The following CETP variants were observed in gnomAD, a reference collection of about 807,000 sequenced individuals.
CETP encodes the protein BPI fold containing family F.
Under a neutral mutation model 66.5 loss-of-function variants are expected in CETP, and 56 were observed. That is an observed-to-expected ratio of 0.84 (90% confidence interval 0.68 to 1.05). The LOEUF is 1.05. CETP is among the 50% of genes least tolerant of loss of function. The pLI, the probability that CETP is intolerant of heterozygous loss-of-function variation, is 0.00. For synonymous variants in CETP, 251 were observed against 245.7 expected, an observed-to-expected ratio of 1.02 and a Z score of -0.20; for missense variants, 612 against 609.6, an observed-to-expected ratio of 1.00 and a Z score of -0.04.
Position 56,983,658 on chromosome 16 carries a change from T to C in CETP, c.1474T>C (p.Leu492=), listed in dbSNP as rs2056204723. ...CCTGCTGGTGGATTTCCTCCAGAGC[T>C]TGAGCTAGAAGTCTCCAAGGAGGTC... The part of the protein sequence containing the change: ...EHLLVDFLQS[L]S Residue 492 remains leucine, a synonymous_variant, in exon 16 of 16, where the codon TTG becomes CTG. Transcript: ENST00000200676. 2 of 1,614,134 alleles carry C rather than the reference T, an allele frequency of 1.2e-6. No individual in the cohort carries two copies. The highest frequency in any genetic ancestry group is 8.5e-7 in the Non-Finnish European group (1 of 1,179,980).
At position 56,969,659 on chromosome 16, in the gene CETP, C is replaced by T. The variant is rs1385630318; in HGVS notation, c.417C>T (p.Asp139=). 5 of 1,614,186 alleles carry T rather than the reference C, an allele frequency of 3.1e-6. No individual in the cohort carries two copies. The Admixed American group carries it at 8.3e-5, about 27-fold the overall frequency. The stretch of plus-strand genomic sequence containing the variant: ...ACTTCGAGATCGACTCTGCCATTGA[C>T]CTCCAGATCAACACACAGCTGAGTA... The part of the protein sequence containing the change: ...SIDFEIDSAI[D]LQINTQLTCD... Residue 139 remains aspartate, a synonymous_variant, in exon 4 of 16, where the codon GAC becomes GAT. Coordinates refer to ENST00000200676, the MANE Select transcript of CETP (RefSeq NM_000078.3).
At chr16:56,962,205 A>T in intron 1 of CETP, 108 bp downstream of exon 1, 1 of 924,784 alleles carries the variant, frequency 1.1e-6, no homozygotes. Flanking sequence ...CTGCCACACT[A>T]GCCCAGAGAG....
At chr16:56,981,601 AG>A in intron 12 of CETP, 45 bp from the exon 13 acceptor site, 1 of 1,603,848 alleles carries the variant, frequency 6.2e-7, no homozygotes, top group Non-Finnish European at 8.5e-7. Context: ...ATGTTACAGG[AG>A]GGGGCCCAAT....
At chr16:56,969,725 G>A (rs1339207727) in intron 4 of CETP, 44 bp downstream of exon 4, 1 of 1,607,646 alleles carries the variant, frequency 6.2e-7, no homozygotes. Flanking sequence ...CTGGACTCCA[G>A]GGCTTGGCCT....
intron 2 of CETP, among the ~76,000 whole-genome samples, chr16:56,965,925 C>T (rs558518321): frequency 1.6e-4 from 24 of 152,326 alleles, no homozygotes; most frequent in Admixed American, 3.9e-4. Flanking sequence ...GCCAACGCTT[C>T]TCCCATTGTG....
intron 5 of CETP, 113 bp from the exon 6 acceptor site, chr16:56,970,920 T>C: frequency 1.0e-6 from 1 of 963,520 alleles, no homozygotes; most frequent in Non-Finnish European, 1.7e-6. Context: ...TCTTACTTCC[T>C]GAGCTACAAG....
chr16:56,962,264 C>G (rs1159482871), intron 1 of CETP, 167 bp downstream of exon 1: 2 of 746,958 alleles, frequency 2.7e-6, no homozygotes, highest in African/African-American at 3.4e-5. Context: ...TCATCACCCC[C>G]TCCTGACCTC....
At chr16:56,969,885 C>A in intron 4 of CETP, 29 bp from the exon 5 acceptor site, 2 of 1,610,108 alleles carry the variant, frequency 1.2e-6, no homozygotes, top group South Asian at 2.2e-5. Context: ...GCGGAGGCTG[C>A]CCTGAGGTCA....
chr16:56,982,853 G>A (rs2056198838), intron 14 of CETP, among the ~76,000 whole-genome samples: 1 of 152,160 alleles, frequency 6.6e-6, no homozygotes. Context: ...CGTGGAAACT[G>A]GAATGATCCT....
At chr16:56,972,234 C>T (rs1466298992) in intron 8 of CETP, 151 bp downstream of exon 8, 8 of 664,338 alleles carry the variant, frequency 1.2e-5, no homozygotes, top group South Asian at 3.5e-5. Context: ...CCTCCGCATT[C>T]CTGATGCTGC....
In CETP at chr16:56,983,615, C is replaced by T; in HGVS notation, c.1431C>T (p.Asp477=). The change falls in exon 16 of 16, where the codon GAC becomes GAT. Residue 477 remains aspartate, a synonymous_variant. Transcript: ENST00000200676. ...TRDGFLLLQM[D]FGFPEHLLVD... is the part of the protein sequence containing the mutation. Reference sequence around the variant, plus strand: ...AGGGCTTCCTGCTGCTGCAGATGGACTTTGGCTTCCCTGAGCACCTGCTGG... The same window carrying T: ...AGGGCTTCCTGCTGCTGCAGATGGATTTTGGCTTCCCTGAGCACCTGCTGG... 6.2e-7 allele frequency: 1 copy of T among 1,614,168 alleles called. No individual in the cohort carries two copies. The highest frequency in any genetic ancestry group is 8.5e-7 in the Non-Finnish European group (1 of 1,180,032).
At chr16:56,978,377 GT>G in intron 11 of CETP, 122 bp downstream of exon 11, 6 of 1,167,466 alleles carry the variant, frequency 5.1e-6, no homozygotes, top group Admixed American at 1.8e-5. Flanking sequence ...GCTGGCACTG[GT>G]TGTCTCTTGC....
At chr16:56,968,084 T>A (rs2056081128) in intron 2 of CETP, among the ~76,000 whole-genome samples, 1 of 152,036 alleles carries the variant, frequency 6.6e-6, no homozygotes, top group Non-Finnish European at 1.5e-5. Flanking sequence ...TTTTTGTGAG[T>A]ACATAGTAGG....
intron 11 of CETP, among the ~76,000 whole-genome samples, chr16:56,979,470 G>A (rs1459392644): frequency 1.3e-5 from 2 of 152,026 alleles, no homozygotes; most frequent in Admixed American, 6.6e-5. Flanking sequence ...TTACAAATAA[G>A]GAATTAAGAA....
At chr16:56,974,226 G>C (rs755821620) in intron 9 of CETP, among the ~76,000 whole-genome samples, 16 of 152,200 alleles carry the variant, frequency 1.1e-4, no homozygotes, top group Non-Finnish European at 2.1e-4. Context: ...GTCCCTGGAG[G>C]CCAGGAGTTC....
chr16:56,982,854 G>A (rs2056198851), intron 14 of CETP, among the ~76,000 whole-genome samples: 1 of 152,182 alleles, frequency 6.6e-6, no homozygotes, highest in Non-Finnish European at 1.5e-5. Flanking sequence ...GTGGAAACTG[G>A]AATGATCCTA....
chr16:56,969,242 C>T, intron 2 of CETP, 144 bp from the exon 3 acceptor site: 1 of 1,047,366 alleles, frequency 9.5e-7, no homozygotes, highest in East Asian at 2.4e-5. Flanking sequence ...TGTTGGGTAA[C>T]ATATTTGCAG....
chr16:56,972,493 C>G (rs1217533243), intron 8 of CETP, among the ~76,000 whole-genome samples: 2 of 152,200 alleles, frequency 1.3e-5, no homozygotes, highest in African/African-American at 4.8e-5. Flanking sequence ...ACACAATAAA[C>G]AGTTATTTCC....
In CETP at chr16:56,983,657, C is replaced by T. The variant is rs2056204696; in HGVS notation, c.1473C>T (p.Ser491=). The change falls in exon 16 of 16, where the codon AGC becomes AGT. Residue 491 remains serine (S), a synonymous_variant. Coordinates refer to ENST00000200676, the MANE Select transcript of CETP (RefSeq NM_000078.3). ...PEHLLVDFLQ[S]LS The stretch of plus-strand genomic sequence containing the variant: ...ACCTGCTGGTGGATTTCCTCCAGAG[C>T]TTGAGCTAGAAGTCTCCAAGGAGGT... 1.2e-6 allele frequency: 2 copies of T among 1,614,138 alleles called. No homozygotes were observed. Among genetic ancestry groups the T allele is most frequent in the East Asian group, 2.2e-5 (1 of 44,888 alleles).
Sources: allele counts gnomAD v4.1 joint callset (sites outside exome capture counted in the v4.1 genomes callset), GRCh38; gene constraint gnomAD v4.1.1; transcripts MANE v1.5; gene names NCBI Gene and HGNC (gene_info 2026-07-23, HGNC 2026-07-21).